The following GALNT13 variants were observed in gnomAD, a reference collection of about 807,000 sequenced individuals.
GALNT13 encodes the protein polypeptide N-acetylgalactosaminyltransferase 13.
A neutral mutation model predicts 64.2 loss-of-function variants in GALNT13; 28 were observed. That is an observed-to-expected ratio of 0.44 (90% CI 0.32 to 0.60). The LOEUF (loss-of-function observed/expected upper bound fraction) is 0.60. GALNT13 is among the 20% of genes least tolerant of loss of function. The probability of loss-of-function intolerance (pLI) is 0.05; values close to 1 mark genes in which losing one functional copy is unlikely to be tolerated. For missense variants in GALNT13, 577 were observed against 669.8 expected, an observed-to-expected ratio of 0.86 and a Z score of 1.53; for synonymous variants, 214 against 224.6, an observed-to-expected ratio of 0.95 and a Z score of 0.42.
At chr2:153,390,021 T>C in the GALNT13 span, among the ~76,000 whole-genome samples, 1 of 152,146 alleles carries the variant, frequency 6.6e-6, no homozygotes, top group Non-Finnish European at 1.5e-5. Context: ...CGTATGTTTA[T>C]TGTGACACTA....
the GALNT13 span, among the ~76,000 whole-genome samples, chr2:153,744,601 C>A: frequency 1.3e-5 from 2 of 152,058 alleles, no homozygotes; most frequent in South Asian, 2.1e-4. Context: ...TCCAAGTGGG[C>A]AAGATTTGGT....
At chr2:154,317,204 C>T (rs1385183763) in intron 9 of GALNT13, among the ~76,000 whole-genome samples, 2 of 114,320 alleles carry the variant, frequency 1.7e-5, no homozygotes, top group Non-Finnish European at 3.5e-5. Context: ...CAAAGCGAGA[C>T]ATCTCAAAAA....
chr2:153,520,910 C>T, the GALNT13 span, among the ~76,000 whole-genome samples: 4 of 152,054 alleles, frequency 2.6e-5, no homozygotes, highest in Admixed American at 2.6e-4. Context: ...TGAATATGAG[C>T]TCATGGAGAT....
At chr2:153,852,511 G>C in the GALNT13 span, among the ~76,000 whole-genome samples, 1 of 152,098 alleles carries the variant, frequency 6.6e-6, no homozygotes, top group East Asian at 1.9e-4. Context: ...AATATATAAA[G>C]CAAAAATGTA....
intron 3 of GALNT13, among the ~76,000 whole-genome samples, chr2:154,122,835 A>C (rs539348363): frequency 1.3e-5 from 2 of 152,150 alleles, no homozygotes; most frequent in South Asian, 4.1e-4. Flanking sequence ...TAAGTAGTGC[A>C]AGAAACACTA....
chr2:153,103,245 G>T, the GALNT13 span, among the ~76,000 whole-genome samples: 1 of 152,144 alleles, frequency 6.6e-6, no homozygotes, highest in East Asian at 1.9e-4. Context: ...GCTGCATCTT[G>T]TTCACTGTTC....
the GALNT13 span, among the ~76,000 whole-genome samples, chr2:153,352,678 G>A: frequency 1.3e-5 from 2 of 152,002 alleles, no homozygotes; most frequent in African/African-American, 2.4e-5. Context: ...GCATGTAAAT[G>A]TTCCGTTGTT....
chr2:153,456,606 C>T, the GALNT13 span, among the ~76,000 whole-genome samples: 1 of 152,150 alleles, frequency 6.6e-6, no homozygotes, highest in African/African-American at 2.4e-5. Flanking sequence ...TCCTCAGTAC[C>T]TAGCAATGAG....
chr2:154,296,302 T>G (rs1692921385), intron 8 of GALNT13, among the ~76,000 whole-genome samples: 1 of 152,200 alleles, frequency 6.6e-6, no homozygotes, highest in South Asian at 2.1e-4. Context: ...TCTCTTTTAC[T>G]AGGGTCATGT....
chr2:153,862,042 T>C, the GALNT13 span, among the ~76,000 whole-genome samples: 1 of 152,186 alleles, frequency 6.6e-6, no homozygotes, highest in South Asian at 2.1e-4. Flanking sequence ...TATAACAACA[T>C]ATGTGTCACA....
chr2:153,951,508 A>G (rs1391447347), intron 3 of GALNT13, among the ~76,000 whole-genome samples: 7 of 152,166 alleles, frequency 4.6e-5, no homozygotes, highest in Admixed American at 3.9e-4. Context: ...CATTTAAGAT[A>G]TGATATTAAG....
chr2:154,365,170 G>A (rs1219246538), intron 9 of GALNT13, among the ~76,000 whole-genome samples: 1 of 151,932 alleles, frequency 6.6e-6, no homozygotes, highest in Admixed American at 6.6e-5. Context: ...CTTCATAGAG[G>A]CTTTATTTAT....
intron 9 of GALNT13, among the ~76,000 whole-genome samples, chr2:154,375,740 A>G (rs922193953): frequency 1.3e-5 from 2 of 152,154 alleles, no homozygotes; most frequent in Non-Finnish European, 2.9e-5. Context: ...TCTTTCTGAT[A>G]CGCTCTTAGG....
At chr2:153,468,513 G>C in the GALNT13 span, among the ~76,000 whole-genome samples, 2 of 152,102 alleles carry the variant, frequency 1.3e-5, no homozygotes, top group East Asian at 3.9e-4. Flanking sequence ...AAATGTAAAC[G>C]AATCTTTCAT....
At chr2:153,587,084 A>T in the GALNT13 span, among the ~76,000 whole-genome samples, 1 of 151,976 alleles carries the variant, frequency 6.6e-6, no homozygotes, top group Non-Finnish European at 1.5e-5. Flanking sequence ...ATACAAAAAA[A>T]TTAGCTAGGT....
At chr2:154,109,508 T>C (rs937911110) in intron 3 of GALNT13, among the ~76,000 whole-genome samples, 1 of 152,114 alleles carries the variant, frequency 6.6e-6, no homozygotes, top group Admixed American at 6.6e-5. Context: ...TTAGAGTACT[T>C]TGTTTAATAG....
chr2:153,088,557 G>GC, the GALNT13 span, among the ~76,000 whole-genome samples: 1 of 152,106 alleles, frequency 6.6e-6, no homozygotes, highest in African/African-American at 2.4e-5. Flanking sequence ...TGTCAATGGA[G>GC]TATTAAAGCT....
At chr2:153,300,169 A>G in the GALNT13 span, among the ~76,000 whole-genome samples, 4,586 of 152,282 alleles carry the variant, frequency 0.03, 244 homozygotes, top group African/African-American at 0.1. Flanking sequence ...AGAAGAAACA[A>G]TACTTCAAAT....
At chr2:154,284,319 T>C (rs1359423516) in intron 8 of GALNT13, among the ~76,000 whole-genome samples, 15 of 152,148 alleles carry the variant, frequency 9.9e-5, no homozygotes, top group Admixed American at 9.8e-4. Context: ...TTCTATGAGA[T>C]TGACTCTTCT....
Sources: allele counts gnomAD v4.1 joint callset (sites outside exome capture counted in the v4.1 genomes callset), GRCh38; gene constraint gnomAD v4.1.1; transcripts MANE v1.5; gene names NCBI Gene and HGNC (gene_info 2026-07-23, HGNC 2026-07-21).